CTNNA2: variants seen among roughly 807,000 people sequenced by gnomAD.
CTNNA2 encodes the protein catenin alpha 2, also known as catenin alpha-2.
In CTNNA2, 42 loss-of-function variants were observed where a neutral mutation model predicts 101.0. That is an observed-to-expected ratio of 0.42 (90% CI 0.32 to 0.54). The LOEUF is 0.54. CTNNA2 is among the 20% of genes least tolerant of loss of function. The probability of loss-of-function intolerance (pLI) is 0.14; values close to 1 mark genes in which losing one functional copy is unlikely to be tolerated. For missense variants in CTNNA2, 871 were observed against 1,223.1 expected (o/e 0.71, Z 4.29); for synonymous variants, 450 against 456.4 (o/e 0.99, Z 0.18).
intron 4 of CTNNA2, among the ~76,000 whole-genome samples, chr2:79,382,819 T>G (rs571092227): frequency 4.6e-5 from 7 of 152,282 alleles, no homozygotes; most frequent in East Asian, 3.9e-4. Flanking sequence ...TTTCACTGTG[T>G]TAGCCAGAAT....
chr2:79,792,965 T>A (rs1311174925), intron 3 of CTNNA2, among the ~76,000 whole-genome samples: 1 of 152,220 alleles, frequency 6.6e-6, no homozygotes. Context: ...CTACATTTGT[T>A]CTTCTACTTA....
intron 7 of CTNNA2, among the ~76,000 whole-genome samples, chr2:80,008,780 C>A (rs1336227594): frequency 1.3e-5 from 2 of 152,140 alleles, no homozygotes; most frequent in Non-Finnish European, 2.9e-5. Flanking sequence ...GTTTTGGGTA[C>A]CAGATGAGAT....
chr2:79,666,502 C>A (rs1309480135), intron 2 of CTNNA2, among the ~76,000 whole-genome samples: 1 of 152,024 alleles, frequency 6.6e-6, no homozygotes, highest in Non-Finnish European at 1.5e-5. Flanking sequence ...TTTTACTGTT[C>A]TTTTAGATAT....
chr2:79,610,672 C>A (rs1038611537), intron 1 of CTNNA2, among the ~76,000 whole-genome samples: 1 of 151,978 alleles, frequency 6.6e-6, no homozygotes. Flanking sequence ...TAACTTTTGA[C>A]AGAAAATGCA....
chr2:79,429,794 A>G (rs917041000), intron 4 of CTNNA2, among the ~76,000 whole-genome samples: 8 of 152,150 alleles, frequency 5.3e-5, no homozygotes, highest in Non-Finnish European at 1.0e-4. Context: ...TAATAATCCA[A>G]TAATAAAACT....
chr2:80,208,790 G>A lies in CTNNA2; in HGVS notation c.1057-184421G>A, dbSNP rs944056252. ...TTTTCACCCATGAATCATCCGTTGT[G>A]TTAATTAACTGGCCAACAATTTCAC... is the stretch of plus-strand genomic sequence containing the variant. On this transcript the variant is annotated intron_variant, in intron 7 of 18. Transcript: ENST00000402739. Among the ~76,000 whole-genome samples, 7 of 152,168 alleles carry A rather than the reference G, an allele frequency of 4.6e-5. No individual in the cohort carries two copies. The East Asian group carries it at 1.3e-3, about 29-fold the overall frequency.
chr2:80,133,897 G>A (rs1000572794), intron 7 of CTNNA2, among the ~76,000 whole-genome samples: 8 of 152,168 alleles, frequency 5.3e-5, no homozygotes, highest in African/African-American at 1.4e-4. Flanking sequence ...AATTGTGATA[G>A]TTGAGAAAGT....
At chr2:80,217,641 G>T (rs534798775) in intron 7 of CTNNA2, among the ~76,000 whole-genome samples, 1 of 152,214 alleles carries the variant, frequency 6.6e-6, no homozygotes, top group South Asian at 2.1e-4. Context: ...AGATATTGCT[G>T]AGTACACATT....
At chr2:79,557,577 C>T (rs1349352747) in intron 1 of CTNNA2, among the ~76,000 whole-genome samples, 1 of 151,840 alleles carries the variant, frequency 6.6e-6, no homozygotes. Flanking sequence ...ACTACTTATT[C>T]TCTGTGTGGA....
chr2:80,502,731 C>T (rs979922514), intron 9 of CTNNA2, among the ~76,000 whole-genome samples: 3 of 152,148 alleles, frequency 2.0e-5, no homozygotes, highest in Non-Finnish European at 2.9e-5. Context: ...TGTGTACCCT[C>T]GTGGTTTTTA....
At chr2:79,799,630 G>A (rs1676002977) in intron 3 of CTNNA2, among the ~76,000 whole-genome samples, 2 of 152,138 alleles carry the variant, frequency 1.3e-5, no homozygotes, top group African/African-American at 4.8e-5. Context: ...ATGAAGCTTA[G>A]AAAGTGAGAG....
chr2:80,165,108 T>C (rs1704589568), intron 7 of CTNNA2, among the ~76,000 whole-genome samples: 1 of 151,976 alleles, frequency 6.6e-6, no homozygotes, highest in South Asian at 2.1e-4. Flanking sequence ...AAGTTTTTAG[T>C]TCTTATTCCT....
chr2:79,359,754 G>T (rs544192001), intron 3 of CTNNA2, among the ~76,000 whole-genome samples: 17 of 152,036 alleles, frequency 1.1e-4, no homozygotes, highest in African/African-American at 3.4e-4. Flanking sequence ...GCAGAAAGAG[G>T]TTCTAAACCT....
chr2:80,365,885 AT>A (rs1674888077), intron 7 of CTNNA2, among the ~76,000 whole-genome samples: 1 of 152,084 alleles, frequency 6.6e-6, no homozygotes, highest in African/African-American at 2.4e-5. Context: ...AGAAGAGTGC[AT>A]TTTTCCCCCT....
At chr2:79,982,684 G>A (rs960526023) in intron 7 of CTNNA2, among the ~76,000 whole-genome samples, 1 of 152,006 alleles carries the variant, frequency 6.6e-6, no homozygotes, top group Non-Finnish European at 1.5e-5. Flanking sequence ...GGAGGCCTGT[G>A]ACAGTATTTT....
chr2:79,535,216 A>G (rs1260319599), intron 1 of CTNNA2, among the ~76,000 whole-genome samples: 1 of 151,692 alleles, frequency 6.6e-6, no homozygotes, highest in East Asian at 1.9e-4. Context: ...CAATGAACAT[A>G]TTTTGCTCTT....
chr2:80,378,215 G>A (rs999539928), intron 7 of CTNNA2, among the ~76,000 whole-genome samples: 8 of 152,062 alleles, frequency 5.3e-5, no homozygotes, highest in Admixed American at 2.0e-4. Flanking sequence ...AAAATTAGCC[G>A]GGCATGGTGG....
intron 7 of CTNNA2, among the ~76,000 whole-genome samples, chr2:80,102,930 C>G (rs1435141924): frequency 1.3e-5 from 2 of 152,160 alleles, no homozygotes; most frequent in East Asian, 3.9e-4. Flanking sequence ...GGGGGGCAGA[C>G]CTAGAGCAAA....
chr2:79,371,144 A>AG (rs11387221), intron 3 of CTNNA2, among the ~76,000 whole-genome samples: 96,076 of 151,720 alleles, frequency 0.63, 30,560 homozygotes, highest in Admixed American at 0.7. Flanking sequence ...CCTGGGGAAG[A>AG]GGGGAGGGGT....
Sources: allele counts gnomAD v4.1 joint callset (sites outside exome capture counted in the v4.1 genomes callset), GRCh38; gene constraint gnomAD v4.1.1; transcripts MANE v1.5; gene names NCBI Gene and HGNC (gene_info 2026-07-23, HGNC 2026-07-21).